The following INSR variants were observed in gnomAD, a reference collection of about 807,000 sequenced individuals.
INSR encodes the protein insulin receptor.
Under a neutral mutation model 142.6 loss-of-function variants are expected in INSR, and 67 were observed. That is an observed-to-expected ratio of 0.47 (90% confidence interval 0.39 to 0.58). The LOEUF (loss-of-function observed/expected upper bound fraction) is 0.58, where lower values mean the gene tolerates loss of function less well. Ranked by LOEUF, INSR falls within the 20% of genes least tolerant of loss-of-function variation. The pLI, the probability that INSR is intolerant of heterozygous loss-of-function variation, is 0.00. For missense variants in INSR, 1,248 were observed against 1,833.2 expected (o/e 0.68, Z 5.83); for synonymous variants, 756 against 743.1 (o/e 1.02, Z -0.28).
intron 2 of INSR, among the ~76,000 whole-genome samples, chr19:7,197,514 G>GT (rs1974787439): frequency 7.4e-5 from 2 of 26,948 alleles, no homozygotes; most frequent in Middle Eastern, 0.022. Context: ...AGTGGGAGTG[G>GT]GGGTGTGTGT....
In INSR at chr19:7,277,771, T is replaced by C. The variant is rs1600123992; in HGVS notation, c.101-9875A>G. Among the ~76,000 whole-genome samples the C allele has an allele frequency of 4.6e-5, 7 of 152,028 alleles. No homozygotes were observed. The South Asian group carries it at 1.5e-3, about 32-fold the overall frequency. On this transcript the variant is annotated intron_variant, in intron 1 of 21. Transcript: ENST00000302850. ...ATGACTGCACCACTGCACTCCAGCCTGGGTGACAGAGTGAGACACTATTTC... is the reference window on the plus strand; with the variant it reads ...ATGACTGCACCACTGCACTCCAGCCCGGGTGACAGAGTGAGACACTATTTC...
intron 1 of INSR, among the ~76,000 whole-genome samples, chr19:7,284,420 A>G (rs1242855671): frequency 6.6e-6 from 1 of 152,170 alleles, no homozygotes; most frequent in Non-Finnish European, 1.5e-5. Flanking sequence ...GGAAGAGTAG[A>G]GAGCAGGGCT....
In INSR at chr19:7,225,594, C is replaced by T. The variant is rs975355894; in HGVS notation, c.653-40957G>A. Among the ~76,000 whole-genome samples the T allele has an allele frequency of 6.6e-6, 1 of 152,168 alleles. No individual in the cohort carries two copies. The highest frequency in any genetic ancestry group is 2.4e-5 in the African/African-American group (1 of 41,442). ...ATTAAATGACTATCATCATATTCCT[C>T]CAGATTCCTTGGTCCCCCAAGTCTA... On this transcript the variant is annotated intron_variant, in intron 2 of 21. Coordinates refer to ENST00000302850, the MANE Select transcript of INSR (RefSeq NM_000208.4). The surrounding 1 kb of genome is among the most constrained non-coding windows in gnomAD (Gnocchi z 4.7).
chr19:7,268,431 TC>T (rs1448481119), intron 1 of INSR: 1 of 985,080 alleles, frequency 1.0e-6, no homozygotes, highest in African/African-American at 1.7e-5. Flanking sequence ...GGTGAGGGCT[TC>T]CCAGGGAGCC....
At chr19:7,206,596 G>A (rs1205347144) in intron 2 of INSR, among the ~76,000 whole-genome samples, 2 of 152,144 alleles carry the variant, frequency 1.3e-5, no homozygotes, top group East Asian at 1.9e-4. Flanking sequence ...TGGGTTGCAC[G>A]CTCTTTATGA....
intron 2 of INSR, among the ~76,000 whole-genome samples, chr19:7,220,054 C>A (rs1975565305): frequency 6.6e-6 from 1 of 152,160 alleles, no homozygotes; most frequent in Admixed American, 6.5e-5. Context: ...GAGTCATGTG[C>A]CTTCCCCTGA....
chr19:7,239,994 G>A (rs1045011753), intron 2 of INSR, among the ~76,000 whole-genome samples: 7 of 152,120 alleles, frequency 4.6e-5, no homozygotes, highest in African/African-American at 1.4e-4. Flanking sequence ...GAGTGCAGTG[G>A]CGCCATCTCA....
At chr19:7,251,397 C>G (rs1490094713) in intron 2 of INSR, among the ~76,000 whole-genome samples, 1 of 151,962 alleles carries the variant, frequency 6.6e-6, no homozygotes, top group Non-Finnish European at 1.5e-5. Context: ...GCTGGGACTA[C>G]AGGCATGCAC....
chr19:7,182,248 T>C (rs569881563), intron 3 of INSR, among the ~76,000 whole-genome samples: 1 of 152,108 alleles, frequency 6.6e-6, no homozygotes, highest in African/African-American at 2.4e-5. Context: ...GGCAGGAGAA[T>C]CACTTGAACC....
intron 2 of INSR, among the ~76,000 whole-genome samples, chr19:7,247,010 A>G (rs190498065): frequency 6.7e-6 from 1 of 149,522 alleles, no homozygotes; most frequent in East Asian, 1.9e-4. Context: ...AAACTTGAAT[A>G]TAAATTCCAA....
rs1973688283 is a variant in INSR at position 7,159,180 on chromosome 19, C to G, written c.2029+3852G>C. Among the ~76,000 whole-genome samples, 3 of 152,186 alleles carry G rather than the reference C, an allele frequency of 2.0e-5. No homozygotes were observed. In the South Asian group the frequency reaches 6.2e-4, roughly 31 times the overall value. On this transcript the variant is annotated intron_variant, in intron 9 of 21. Transcript: ENST00000302850. The surrounding 1 kb of genome is among the most constrained non-coding windows in gnomAD (Gnocchi z 4.3). ...TCGGCCTCCCAGTGTGCTGGGATTA[C>G]AGGCGTGAGCCACTGTGCCCGGTAA...
intron 2 of INSR, among the ~76,000 whole-genome samples, chr19:7,195,928 TTTC>T (rs201827738): frequency 0.012 from 144 of 11,968 alleles, 1 homozygote; most frequent in East Asian, 0.043. Context: ...CTTTCTTTTC[TTTC>T]TTTTTTTTTT....
intron 1 of INSR, among the ~76,000 whole-genome samples, chr19:7,285,984 T>TTTG (rs1159772963): frequency 2.6e-5 from 4 of 152,104 alleles, no homozygotes; most frequent in South Asian, 2.1e-4. Context: ...TTTAAAATAT[T>TTTG]TTGTTGTTGT....
intron 2 of INSR, among the ~76,000 whole-genome samples, chr19:7,251,951 C>A (rs1029689861): frequency 6.6e-6 from 1 of 152,106 alleles, no homozygotes; most frequent in East Asian, 1.9e-4. Flanking sequence ...ACTGACCCAG[C>A]GATTCCACTC....
chr19:7,263,487 G>A (rs1977127929), intron 2 of INSR, among the ~76,000 whole-genome samples: 1 of 152,164 alleles, frequency 6.6e-6, no homozygotes, highest in Non-Finnish European at 1.5e-5. Flanking sequence ...CGGTACCCCG[G>A]GAAGTGTTAG....
chr19:7,263,260 CA>C (rs950206975), intron 2 of INSR, among the ~76,000 whole-genome samples: 24 of 149,714 alleles, frequency 1.6e-4, no homozygotes, highest in African/African-American at 5.7e-4. Context: ...GCCTAGGTGG[CA>C]GAGCAAGACT....
At chr19:7,178,206 C>CTT (rs936323609) in intron 3 of INSR, among the ~76,000 whole-genome samples, 17 of 118,506 alleles carry the variant, frequency 1.4e-4, no homozygotes, top group Non-Finnish European at 2.7e-4. Context: ...CACAGGAATG[C>CTT]TTTTGTTAGG....
At chr19:7,185,886 AAAGG>A (rs1038468459) in intron 2 of INSR, among the ~76,000 whole-genome samples, 2 of 138,204 alleles carry the variant, frequency 1.4e-5, no homozygotes, top group Non-Finnish European at 3.1e-5. Context: ...GAGAGAGAGA[AAAGG>A]AAGGAAGGAA....
chr19:7,219,556 GGA>G (rs1408558204), intron 2 of INSR, among the ~76,000 whole-genome samples: 1 of 110,728 alleles, frequency 9.0e-6, no homozygotes, highest in Non-Finnish European at 1.8e-5. Context: ...GAGGGAAGGG[GGA>G]GAGAGAAGGA....
Sources: gnomAD v4.1 joint callset for allele counts (sites outside exome capture counted in the v4.1 genomes callset) on GRCh38, gnomAD v4.1.1 for gene constraint, Gnocchi (gnomAD v3.1) non-coding constraint, MANE v1.5 for transcripts, NCBI Gene and HGNC (gene_info 2026-07-23, HGNC 2026-07-21) for gene names.